The following RCSD1 variants were observed in gnomAD, a reference collection of about 807,000 sequenced individuals.
The protein encoded by RCSD1 is RCSD domain containing 1, also known as capZ-interacting protein.
In RCSD1, 26 loss-of-function variants were observed where a neutral mutation model predicts 42.5. That is an observed-to-expected ratio of 0.61 (90% CI 0.45 to 0.85). The LOEUF (loss-of-function observed/expected upper bound fraction) is 0.85. Ranked by LOEUF, RCSD1 falls within the 40% of genes least tolerant of loss-of-function variation. The pLI, the probability that RCSD1 is intolerant of heterozygous loss-of-function variation, is 0.00. For missense variants in RCSD1, 571 were observed against 528.3 expected (o/e 1.08, Z -0.79); for synonymous variants, 220 against 212.2 (o/e 1.04, Z -0.32).
intron 1 of RCSD1, among the ~76,000 whole-genome samples, chr1:167,651,575 G>C (rs1379114868): frequency 6.6e-6 from 1 of 152,216 alleles, no homozygotes; most frequent in Non-Finnish European, 1.5e-5. Flanking sequence ...AGAGTGCAAT[G>C]CTGTGGACTG....
intron 1 of RCSD1, chr1:167,640,386 T>G (rs1657976667): frequency 6.6e-6 from 1 of 152,214 alleles, no homozygotes; most frequent in Admixed American, 6.5e-5. Context: ...TTGCCACACC[T>G]TCTCCTCTGT....
In RCSD1 at chr1:167,707,491, C is replaced by G. The variant is rs1659784079; in HGVS notation, c.*2795C>G. ...CTCCCCCTTTTTCAGCCTCATAGAA[C>G]TGAAAAAAACAAACCTAAATACAGT... On this transcript the variant is annotated 3_prime_UTR_variant, in exon 7 of 7. Transcript: ENST00000367854. Among the ~76,000 whole-genome samples, 1 of 151,858 alleles carries G rather than the reference C, an allele frequency of 6.6e-6. No homozygotes were observed. The highest frequency in any genetic ancestry group is 1.5e-5 in the Non-Finnish European group (1 of 68,006).
intron 4 of RCSD1, among the ~76,000 whole-genome samples, chr1:167,693,530 C>T (rs1244902393): frequency 6.6e-6 from 1 of 152,200 alleles, no homozygotes; most frequent in South Asian, 2.1e-4. Context: ...ACCACTCTGC[C>T]GTCTATTAAG....
chr1:167,658,747 A>G (rs550316115), intron 1 of RCSD1, among the ~76,000 whole-genome samples: 3 of 151,870 alleles, frequency 2.0e-5, no homozygotes, highest in African/African-American at 7.3e-5. Flanking sequence ...ATTCTTTTTA[A>G]TGGTTTCCTA....
In RCSD1 at chr1:167,694,126, C is replaced by T. The variant is rs372324348; in HGVS notation, c.298C>T (p.Leu100=). The T allele has an allele frequency of 5.0e-6, 8 of 1,614,092 alleles. No homozygotes were observed. In the Admixed American group the frequency reaches 5.0e-5, roughly 10 times the overall value. Residue 100 remains leucine, a synonymous_variant, in exon 5 of 7, where the codon CTA becomes TTA. Transcript: ENST00000367854. ...QANLTFDPAA[L]LPGASPKSPG... ...CAATTTAACCTTTGACCCAGCTGCTCTACTGCCTGGGGCCTCACCCAAGAG... is the reference window on the plus strand; with the variant it reads ...CAATTTAACCTTTGACCCAGCTGCTTTACTGCCTGGGGCCTCACCCAAGAG...
chr1:167,704,565 T>C, intron 6 of RCSD1, 99 bp from the exon 7 acceptor site: 1 of 1,004,988 alleles, frequency 1.0e-6, no homozygotes, highest in Non-Finnish European at 1.6e-6. Context: ...ACTCCTACTG[T>C]TACTATTATT....
rs374261400 is a variant in RCSD1, at chr1:167,694,248, G to C, written c.420G>C (p.Val140=). 1.2e-5 allele frequency: 19 copies of C among 1,614,080 alleles called. No individual in the cohort carries two copies. The highest frequency in any genetic ancestry group is 1.6e-4 in the Middle Eastern group (1 of 6,084). ...CTAGGCCCAGCGAGGCAGAGGAGGT[G>C]CCTGTCAGCTTCGACCAGCCCCCTG... The part of the protein sequence containing the change: ...VRSRPSEAEE[V]PVSFDQPPEG... Residue 140 remains valine, a synonymous_variant, in exon 5 of 7, where the codon GTG becomes GTC. Coordinates refer to ENST00000367854, the MANE Select transcript of RCSD1 (RefSeq NM_052862.4).
chr1:167,670,368 A>AAC (rs947992645), intron 1 of RCSD1, among the ~76,000 whole-genome samples: 15 of 151,554 alleles, frequency 9.9e-5, no homozygotes, highest in Non-Finnish European at 1.8e-4. Context: ...AAAAAAAAAA[A>AAC]AAAAACCACT....
intron 1 of RCSD1, among the ~76,000 whole-genome samples, chr1:167,676,989 C>T (rs1658967672): frequency 6.6e-6 from 1 of 152,236 alleles, no homozygotes; most frequent in Non-Finnish European, 1.5e-5. Flanking sequence ...GGGATTCTCC[C>T]TGGGAGCCAG....
Position 167,671,058 on chromosome 1 carries a change from G to A in RCSD1, c.7-12842G>A, listed in dbSNP as rs1250963140. On this transcript the variant is annotated intron_variant, in intron 1 of 6. Coordinates refer to ENST00000367854, the MANE Select transcript of RCSD1 (RefSeq NM_052862.4). ...CCACTGGGCCCAGTTTTCTGCCTCT[G>A]CTGAATCCCTATTCTCCGTTTTCTT... Among the ~76,000 whole-genome samples the A allele has an allele frequency of 2.6e-5, 4 of 152,192 alleles. 1 individual carries two copies. The South Asian group carries it at 8.3e-4, about 31-fold the overall frequency.
rs1659743270 is a variant in RCSD1 at position 167,705,740 on chromosome 1, G to A, written c.*1044G>A. 1 of 152,146 alleles carries A rather than the reference G, an allele frequency of 6.6e-6. No individual in the cohort carries two copies. Among genetic ancestry groups the A allele is most frequent in the Non-Finnish European group, 1.5e-5 (1 of 68,028 alleles). 9.4% of individuals were successfully genotyped at this position (152,146 alleles called of 1,614,324 possible). ...CCCAACACAAAAGGAGTGAGTTGGGGTCTTTAGTCTCTTCTTATTGGGTAG... is the reference window on the plus strand; with the variant it reads ...CCCAACACAAAAGGAGTGAGTTGGGATCTTTAGTCTCTTCTTATTGGGTAG... On this transcript the variant is annotated 3_prime_UTR_variant, in exon 7 of 7. Transcript: ENST00000367854.
chr1:167,676,055 T>C (rs770216206), intron 1 of RCSD1, among the ~76,000 whole-genome samples: 6 of 152,236 alleles, frequency 3.9e-5, no homozygotes, highest in African/African-American at 7.2e-5. Context: ...GGCCCTGTTC[T>C]AAGCATTTCA....
intron 1 of RCSD1, among the ~76,000 whole-genome samples, chr1:167,663,075 G>T (rs1303199616): frequency 6.6e-6 from 1 of 152,216 alleles, no homozygotes; most frequent in Non-Finnish European, 1.5e-5. Context: ...TGCTGGGTCA[G>T]TGGCCTCGCC....
intron 1 of RCSD1, among the ~76,000 whole-genome samples, chr1:167,642,929 G>A (rs948345994): frequency 7.9e-5 from 12 of 152,180 alleles, no homozygotes; most frequent in African/African-American, 9.7e-5. Context: ...ACAGCCCTCT[G>A]CTCCCTTAAG....
intron 5 of RCSD1, among the ~76,000 whole-genome samples, chr1:167,694,669 G>A (rs1659454902): frequency 6.6e-6 from 1 of 152,194 alleles, no homozygotes; most frequent in South Asian, 2.1e-4. Flanking sequence ...CCTGATCAGT[G>A]ATTTGCACAG....
chr1:167,691,635 A>C (rs1435071360), intron 4 of RCSD1, among the ~76,000 whole-genome samples: 1 of 152,252 alleles, frequency 6.6e-6, no homozygotes, highest in Non-Finnish European at 1.5e-5. Context: ...TGTCAAGACG[A>C]ATAGCCACAG....
chr1:167,701,305 T>TTTCC (rs1659635975), intron 6 of RCSD1, among the ~76,000 whole-genome samples: 2 of 148,838 alleles, frequency 1.3e-5, no homozygotes, highest in African/African-American at 2.5e-5. Flanking sequence ...TCTTTCTTTC[T>TTTCC]TTCTTTCTTT....
chr1:167,635,792 G>C (rs140183636), intron 1 of RCSD1, among the ~76,000 whole-genome samples: 127 of 152,294 alleles, frequency 8.3e-4, no homozygotes, highest in Admixed American at 5.8e-3. Flanking sequence ...ATGGTAAAGG[G>C]ATAAACCAAC....
chr1:167,644,941 A>AT (rs1477153654), intron 1 of RCSD1, among the ~76,000 whole-genome samples: 1 of 152,198 alleles, frequency 6.6e-6, no homozygotes, highest in African/African-American at 2.4e-5. Flanking sequence ...ATTACAAAGG[A>AT]TTTTTTGACA....
Sources: gnomAD v4.1 joint callset for allele counts (sites outside exome capture counted in the v4.1 genomes callset) on GRCh38, gnomAD v4.1.1 for gene constraint, MANE v1.5 for transcripts, NCBI Gene and HGNC (gene_info 2026-07-23, HGNC 2026-07-21) for gene names.